Variants in CAPN3 observed in about 807,000 individuals in gnomAD.
CAPN3 encodes calpain 3.
CAPN3 carries 88 observed loss-of-function variants against 114.0 expected under a neutral mutation model. The observed-to-expected ratio is 0.77, with a 90% CI of 0.65 to 0.92. The LOEUF is 0.92. Ranked by LOEUF, CAPN3 falls within the 40% of genes least tolerant of loss-of-function variation. The probability of loss-of-function intolerance (pLI) is 0.00; values close to 1 mark genes in which losing one functional copy is unlikely to be tolerated. For synonymous variants in CAPN3, 386 were observed against 382.9 expected (o/e 1.01, Z -0.09); for missense variants, 1,028 against 1,069.0 (o/e 0.96, Z 0.53).
At chr15:42,371,634 C>T (rs78520130) in intron 1 of CAPN3, among the ~76,000 whole-genome samples, 5,736 of 152,192 alleles carry the variant, frequency 0.038, 301 homozygotes, top group African/African-American at 0.12. Context: ...CAGATACCTT[C>T]TCCCACCTTG....
intron 1 of CAPN3, among the ~76,000 whole-genome samples, chr15:42,382,564 T>A (rs901030609): frequency 6.6e-6 from 1 of 152,198 alleles, no homozygotes; most frequent in African/African-American, 2.4e-5. Flanking sequence ...AGACGGGGTC[T>A]CACTATGTTG....
rs747017866 is a variant in CAPN3, at chr15:42,388,932, C to T, written c.637C>T (p.His213Tyr). Residue 213 changes from histidine to tyrosine, a missense_variant, in exon 5 of 24, where the codon CAT becomes TAT. Transcript: ENST00000397163. Reference protein sequence around the residue: ...ALLEKAYAKLHGSYEALKGGN... With the variant: ...ALLEKAYAKLYGSYEALKGGN... ...GGTCTTCATCCTCTCTCTAAGGCTC[C>T]ATGGTTCCTACGAAGCTCTGAAAGG... 8 of 1,613,870 alleles carry T rather than the reference C, an allele frequency of 5.0e-6. No homozygotes were observed. Among genetic ancestry groups the T allele is most frequent in the Non-Finnish European group, 6.8e-6 (8 of 1,180,030 alleles).
At chr15:42,362,223 G>C (rs1042964595) in intron 1 of CAPN3, among the ~76,000 whole-genome samples, 1 of 152,154 alleles carries the variant, frequency 6.6e-6, no homozygotes, top group Non-Finnish European at 1.5e-5. Context: ...AGACCAGCCT[G>C]GGCAACATAG....
intron 14 of CAPN3, among the ~76,000 whole-genome samples, chr15:42,405,314 A>G (rs769553525): frequency 6.6e-6 from 1 of 151,968 alleles, no homozygotes; most frequent in Non-Finnish European, 1.5e-5. Context: ...TTATTTATTT[A>G]TTTGTTTATT....
chr15:42,393,596 T>C (rs2053613428), intron 7 of CAPN3, among the ~76,000 whole-genome samples: 1 of 87,880 alleles, frequency 1.1e-5, no homozygotes, highest in Admixed American at 1.3e-4. Flanking sequence ...TCTTTCTTTC[T>C]TTTTTTTTTT....
chr15:42,389,266 T>C (rs1230622622), intron 5 of CAPN3, among the ~76,000 whole-genome samples, 170 bp downstream of exon 5: 1 of 152,160 alleles, frequency 6.6e-6, no homozygotes, highest in East Asian at 1.9e-4. Context: ...GGGAGAACAG[T>C]TCTTCCGGAT....
chr15:42,403,657 A>C, intron 13 of CAPN3, 84 bp from the exon 14 acceptor site: 425 of 1,261,350 alleles, frequency 3.4e-4, no homozygotes, highest in Non-Finnish European at 4.6e-4. Context: ...GCTGCCAGGA[A>C]GCCGTGCACC....
chr15:42,363,903 T>G (rs1468132860), intron 1 of CAPN3, among the ~76,000 whole-genome samples: 2 of 152,222 alleles, frequency 1.3e-5, no homozygotes, highest in Non-Finnish European at 2.9e-5. Context: ...CCACACAATC[T>G]GGCTCTAGAG....
intron 1 of CAPN3, among the ~76,000 whole-genome samples, chr15:42,377,222 A>G (rs1458270142): frequency 1.3e-5 from 2 of 152,168 alleles, no homozygotes; most frequent in East Asian, 3.8e-4. Flanking sequence ...GGAGTGGTAC[A>G]GGAGGACATC....
Position 42,390,010 on chromosome 15 carries a change from A to G in CAPN3, c.859A>G (p.Ile287Val), listed in dbSNP as rs1595823793. The G allele has an allele frequency of 6.2e-7, 1 of 1,614,058 alleles. No homozygotes were observed. ...SPSGLNMGEL[I>V]ARMVRNMDNS... ...TTCTGGTCTGAACATGGGGGAGTTG[A>G]TTGCACGGATGGTAAGGAATATGGA... The change falls in exon 6 of 24, where the codon ATT becomes GTT. Residue 287 changes from isoleucine (I) to valine (V), a missense_variant. Physicochemically the swap from Ile to Val is conservative, Grantham distance 29. Coordinates refer to ENST00000397163, the MANE Select transcript of CAPN3 (RefSeq NM_000070.3).
At chr15:42,391,090 G>C (rs2053543663) in intron 6 of CAPN3, among the ~76,000 whole-genome samples, 1 of 151,912 alleles carries the variant, frequency 6.6e-6, no homozygotes, top group Admixed American at 6.6e-5. Flanking sequence ...ACCACACCCG[G>C]CCTAGTTTGA....
chr15:42,410,965 T>G lies in CAPN3; in HGVS notation c.2345T>G (p.Phe782Cys). 1 of 1,614,168 alleles carries G rather than the reference T, an allele frequency of 6.2e-7. No homozygotes were observed. The highest frequency in any genetic ancestry group is 8.5e-7 in the Non-Finnish European group (1 of 1,179,966). ...DKHMNIDFDS[F>C]ICCFVRLEGM... ...CACATGAACATCGACTTTGACAGTT[T>G]CATCTGCTGCTTCGTTAGGCTGGAG... The change falls in exon 22 of 24, where the codon TTC becomes TGC. Residue 782 changes from phenylalanine to cysteine, a missense_variant. Phe to Cys is a radical substitution (Grantham distance 205). Coordinates refer to ENST00000397163, the MANE Select transcript of CAPN3 (RefSeq NM_000070.3).
intron 17 of CAPN3, 49 bp downstream of exon 17, chr15:42,409,429 G>A: frequency 6.7e-7 from 1 of 1,485,596 alleles, no homozygotes; most frequent in Non-Finnish European, 9.4e-7. Context: ...CTTCTCTCCT[G>A]GATTAACTGC....
chr15:42,386,068 T>TCCC, intron 2 of CAPN3, 99 bp from the exon 3 acceptor site: 1 of 838,530 alleles, frequency 1.2e-6, no homozygotes, highest in Non-Finnish European at 2.1e-6. Flanking sequence ...ACCAAGGGAG[T>TCCC]CCCCGTTCAG....
At chr15:42,389,895 T>C (rs2053507934) in intron 5 of CAPN3, 58 bp from the exon 6 acceptor site, 2 of 1,584,666 alleles carry the variant, frequency 1.3e-6, no homozygotes, top group African/African-American at 2.7e-5. Flanking sequence ...TTTCCACCCT[T>C]CTGTGTTTGT....
In CAPN3 at chr15:42,387,787, TA is replaced by T. The variant is rs1371080914; in HGVS notation, c.534del (p.Ile178MetfsTer42). 6.2e-7 allele frequency: 1 copy of T among 1,614,206 alleles called. No homozygotes were observed. The highest frequency in any genetic ancestry group is 2.2e-5 in the East Asian group (1 of 44,886). On this transcript the variant is annotated frameshift_variant, in exon 4 of 24. Coordinates refer to ENST00000397163, the MANE Select transcript of CAPN3 (RefSeq NM_000070.3). LOFTEE classifies it high-confidence loss of function. ...TATGGAGAGTGGGTGGACGTGGTTA[TA>T]GATGACTGCCTGCCAACGTACAACA... ...WRYGEWVDVV[I>X]DDCLPTYNNQ... is the part of the protein sequence containing the mutation.
intron 1 of CAPN3, among the ~76,000 whole-genome samples, chr15:42,380,751 A>ATTTTTTTTTT (rs59923448): frequency 3.1e-5 from 2 of 64,484 alleles, no homozygotes; most frequent in African/African-American, 1.8e-4. Flanking sequence ...ATATATATAT[A>ATTTTTTTTTT]TTTTTTTTTT....
chr15:42,402,323 C>A (rs528155615), intron 12 of CAPN3, 188 bp downstream of exon 12: 4 of 1,518,118 alleles, frequency 2.6e-6, no homozygotes, highest in East Asian at 2.4e-5. Context: ...TGACTACCAC[C>A]CCCAGGATGT....
chr15:42,398,545 C>T (rs2053765162), intron 9 of CAPN3, among the ~76,000 whole-genome samples: 1 of 150,638 alleles, frequency 6.6e-6, no homozygotes, highest in African/African-American at 2.4e-5. Context: ...GATCATGCCA[C>T]TGCACTCTAG....
Sources: gnomAD v4.1 joint callset for allele counts (sites outside exome capture counted in the v4.1 genomes callset) on GRCh38, gnomAD v4.1.1 for gene constraint, MANE v1.5 for transcripts, NCBI Gene and HGNC (gene_info 2026-07-23, HGNC 2026-07-21) for gene names.